ABCB4: variants seen among roughly 807,000 people sequenced by gnomAD.
The protein encoded by ABCB4 is ATP binding cassette subfamily B member 4.
ABCB4 carries 76 observed loss-of-function variants against 145.7 expected under a neutral mutation model. The observed-to-expected ratio is 0.52, with a 90% CI of 0.43 to 0.63. The LOEUF (loss-of-function observed/expected upper bound fraction) is 0.63, where lower values mean the gene tolerates loss of function less well. Among genes scored for constraint, ABCB4 ranks in the 30% least tolerant of loss-of-function variants. The pLI is 0.00. For missense variants in ABCB4, 1,234 were observed against 1,553.1 expected, an observed-to-expected ratio of 0.79 and a Z score of 3.45; for synonymous variants, 517 against 566.8, an observed-to-expected ratio of 0.91 and a Z score of 1.25.
chr7:87,373,140 G>A, the ABCB4 span, among the ~76,000 whole-genome samples: 3 of 152,072 alleles, frequency 2.0e-5, no homozygotes, highest in South Asian at 2.1e-4. Context: ...TTATTGTAGC[G>A]ATGCTAGTAA....
intron 26 of ABCB4, chr7:87,406,056 A>G: frequency 3.4e-6 from 2 of 580,986 alleles, no homozygotes; most frequent in Non-Finnish European, 6.1e-6. Flanking sequence ...CTCAACCACC[A>G]GTCTGTAACC....
chr7:87,459,360 C>G (rs763583565), intron 4 of ABCB4, among the ~76,000 whole-genome samples: 1 of 152,138 alleles, frequency 6.6e-6, no homozygotes. Flanking sequence ...ATGAATTTTA[C>G]TCTAGATACC....
the ABCB4 span, among the ~76,000 whole-genome samples, chr7:87,386,593 C>A: frequency 6.6e-6 from 1 of 151,974 alleles, no homozygotes; most frequent in African/African-American, 2.4e-5. Flanking sequence ...TTTATCTTGT[C>A]AAAAAATTGA....
chr7:87,413,539 C>A (rs1808768259), intron 22 of ABCB4, 78 bp downstream of exon 22: 4 of 951,976 alleles, frequency 4.2e-6, no homozygotes, highest in African/African-American at 3.2e-5. Context: ...AGCAGCAGAG[C>A]TTTTATTATC....
intron 3 of ABCB4, among the ~76,000 whole-genome samples, chr7:87,468,093 C>T (rs2116943740): frequency 6.6e-6 from 1 of 152,218 alleles, no homozygotes; most frequent in Non-Finnish European, 1.5e-5. Flanking sequence ...TTCAAAAAGT[C>T]AATGAATCCA....
At chr7:87,401,424 G>A (rs903195936), downstream of ABCB4, among the ~76,000 whole-genome samples, 6 of 152,240 alleles carry the variant, frequency 3.9e-5, no homozygotes, top group Admixed American at 1.3e-4. Flanking sequence ...AAAAGAGAAC[G>A]CAGTTGCTAT....
At chr7:87,420,309 T>A (rs556609068) in intron 18 of ABCB4, among the ~76,000 whole-genome samples, 1 of 152,150 alleles carries the variant, frequency 6.6e-6, no homozygotes, top group Non-Finnish European at 1.5e-5. Context: ...AGACACCACA[T>A]GGCAGGATGC....
downstream of ABCB4, among the ~76,000 whole-genome samples, chr7:87,400,586 G>C (rs1221381010): frequency 6.6e-6 from 1 of 152,160 alleles, no homozygotes; most frequent in Non-Finnish European, 1.5e-5. Context: ...TTCTAATGCA[G>C]GGTTTTAAAC....
At position 87,409,323 on chromosome 7, in the gene ABCB4, A is replaced by C; in HGVS notation, c.2994T>G (p.Ala998=). 1 of 1,614,138 alleles carries C rather than the reference A, an allele frequency of 6.2e-7. No homozygotes were observed. Among genetic ancestry groups the C allele is most frequent in the Non-Finnish European group, 8.5e-7 (1 of 1,180,002 alleles). Reference sequence around the variant, plus strand: ...AGTGGGCTGCAGACAGCTTAGCTTTAGCATAGTCTGGAGCAAATGAACTGG... The same window carrying C: ...AGTGGGCTGCAGACAGCTTAGCTTTCGCATAGTCTGGAGCAAATGAACTGG... ...GHASSFAPDY[A]KAKLSAAHLF... is the part of the protein sequence containing the mutation. Residue 998 remains alanine, a synonymous_variant, in exon 24 of 28, where the codon GCT becomes GCG. Coordinates refer to ENST00000649586, the MANE Select transcript of ABCB4 (RefSeq NM_000443.4).
chr7:87,394,209 G>A, the ABCB4 span, among the ~76,000 whole-genome samples: 2 of 152,156 alleles, frequency 1.3e-5, no homozygotes, highest in Non-Finnish European at 2.9e-5. Flanking sequence ...ACCTCATGTT[G>A]CTACTGTGGT....
At chr7:87,385,611 A>G in the ABCB4 span, among the ~76,000 whole-genome samples, 6 of 152,186 alleles carry the variant, frequency 3.9e-5, no homozygotes, top group Non-Finnish European at 7.3e-5. Flanking sequence ...GTATTAGATC[A>G]TGTCATCTGC....
At chr7:87,427,240 T>C (rs1308969241) in intron 15 of ABCB4, among the ~76,000 whole-genome samples, 1 of 152,006 alleles carries the variant, frequency 6.6e-6, no homozygotes, top group Non-Finnish European at 1.5e-5. Flanking sequence ...GAACAAGTCA[T>C]GGCCACCAAG....
At chr7:87,380,113 AAAT>A in the ABCB4 span, among the ~76,000 whole-genome samples, 1 of 152,174 alleles carries the variant, frequency 6.6e-6, no homozygotes, top group Admixed American at 6.5e-5. Context: ...CCTGTCCCAA[AAAT>A]AATAATAAGA....
At chr7:87,399,055 C>G (rs1271303685), downstream of ABCB4, 1 of 174,636 alleles carries the variant, frequency 5.7e-6, no homozygotes, top group African/African-American at 2.4e-5. Context: ...TTTTAGCTGC[C>G]AAAGGGTATG....
chr7:87,373,288 T>C, the ABCB4 span, among the ~76,000 whole-genome samples: 1 of 152,200 alleles, frequency 6.6e-6, no homozygotes, highest in South Asian at 2.1e-4. Context: ...AATTAGTTTG[T>C]TTTTTTATTA....
the ABCB4 span, chr7:87,369,457 G>A: frequency 3.1e-6 from 5 of 1,612,470 alleles, no homozygotes; most frequent in Non-Finnish European, 4.2e-6. Context: ...CATGAAGGAT[G>A]TTTGGTCACC....
At chr7:87,464,350 G>C (rs899068400) in intron 3 of ABCB4, among the ~76,000 whole-genome samples, 2 of 152,306 alleles carry the variant, frequency 1.3e-5, no homozygotes, top group East Asian at 3.9e-4. Flanking sequence ...ACCAGGCAGA[G>C]CTTGGATAAA....
chr7:87,409,446 G>C, intron 23 of ABCB4, 54 bp from the exon 24 acceptor site: 1 of 1,579,776 alleles, frequency 6.3e-7, no homozygotes. Flanking sequence ...ACTCCATGAT[G>C]TTTGAAAGTC....
the ABCB4 span, among the ~76,000 whole-genome samples, chr7:87,381,080 A>C: frequency 6.6e-6 from 1 of 152,128 alleles, no homozygotes; most frequent in Non-Finnish European, 1.5e-5. Context: ...GGTGACATTT[A>C]AGACACCTAA....
Sources: allele counts gnomAD v4.1 joint callset (sites outside exome capture counted in the v4.1 genomes callset), GRCh38; gene constraint gnomAD v4.1.1; transcripts MANE v1.5; gene names NCBI Gene and HGNC (gene_info 2026-07-23, HGNC 2026-07-21).